SLC24A2: variants seen among roughly 807,000 people sequenced by gnomAD.
SLC24A2 encodes sodium/potassium/calcium exchanger 2.
A neutral mutation model predicts 62.0 loss-of-function variants in SLC24A2; 36 were observed. The ratio of observed to expected loss-of-function variants is 0.58; its 90% confidence interval spans 0.44 to 0.77. The LOEUF is 0.77. Among genes scored for constraint, SLC24A2 ranks in the 30% least tolerant of loss-of-function variants. SLC24A2 has a pLI of 0.00. For synonymous variants in SLC24A2, 358 were observed against 294.0 expected (o/e 1.22, Z -2.23); for missense variants, 846 against 817.9 (o/e 1.03, Z -0.42).
At chr9:19,843,828 A>G in the SLC24A2 span, among the ~76,000 whole-genome samples, 2 of 152,254 alleles carry the variant, frequency 1.3e-5, no homozygotes, top group Non-Finnish European at 1.5e-5. Context: ...CTCCAGCTGC[A>G]TTCATGTTGC....
chr9:19,582,093 C>T (rs1746765856), intron 5 of SLC24A2, among the ~76,000 whole-genome samples: 1 of 152,042 alleles, frequency 6.6e-6, no homozygotes, highest in African/African-American at 2.4e-5. Flanking sequence ...AGCTGAGTGT[C>T]CTCAGAGGAG....
intron 2 of SLC24A2, among the ~76,000 whole-genome samples, chr9:19,684,842 C>G (rs546554462): frequency 6.6e-6 from 1 of 152,080 alleles, no homozygotes; most frequent in Admixed American, 6.6e-5. Flanking sequence ...ACTAATATTC[C>G]TAGCCAGAGC....
At chr9:19,921,339 T>C in the SLC24A2 span, among the ~76,000 whole-genome samples, 10 of 151,704 alleles carry the variant, frequency 6.6e-5, no homozygotes, top group Non-Finnish European at 1.0e-4. Flanking sequence ...CTGGCTAGCA[T>C]GGTAAAACCC....
At chr9:19,718,284 C>CT (rs71335446) in intron 2 of SLC24A2, among the ~76,000 whole-genome samples, 42,451 of 55,638 alleles carry the variant, frequency 0.76, 19,597 homozygotes, top group East Asian at 0.86. Context: ...TGATTTAACA[C>CT]TTTTTTTTTT....
chr9:20,286,922 A>G, the SLC24A2 span, among the ~76,000 whole-genome samples: 502 of 152,268 alleles, frequency 3.3e-3, 5 homozygotes, highest in Non-Finnish European at 4.9e-3. Context: ...ATTGCACTAG[A>G]ATGTTATGAT....
chr9:20,168,475 C>G, the SLC24A2 span, among the ~76,000 whole-genome samples: 1 of 151,676 alleles, frequency 6.6e-6, no homozygotes, highest in East Asian at 1.9e-4. Flanking sequence ...TAATTAATAT[C>G]TAGAATATAT....
intron 7 of SLC24A2, among the ~76,000 whole-genome samples, chr9:19,564,328 C>T (rs1283307482): frequency 6.6e-6 from 1 of 152,102 alleles, no homozygotes; most frequent in Non-Finnish European, 1.5e-5. Flanking sequence ...TTTATCAGCA[C>T]CATGAGGCTT....
At chr9:19,572,420 A>G (rs1474871435) in intron 7 of SLC24A2, among the ~76,000 whole-genome samples, 1 of 151,976 alleles carries the variant, frequency 6.6e-6, no homozygotes, top group Non-Finnish European at 1.5e-5. Flanking sequence ...GCCTGGTGGG[A>G]GGTGATTGAA....
chr9:20,263,869 C>G, the SLC24A2 span, among the ~76,000 whole-genome samples: 11 of 116,968 alleles, frequency 9.4e-5, no homozygotes, highest in Admixed American at 2.9e-4. Context: ...CCGCCCCCCC[C>G]CCCCCATTAA....
the SLC24A2 span, among the ~76,000 whole-genome samples, chr9:19,820,149 T>C: frequency 2.0e-5 from 3 of 147,760 alleles, no homozygotes; most frequent in Admixed American, 6.8e-5. Flanking sequence ...TTGGATGAGA[T>C]TGGAGACTAT....
chr9:20,142,227 C>A, the SLC24A2 span, among the ~76,000 whole-genome samples: 4 of 152,150 alleles, frequency 2.6e-5, no homozygotes, highest in Non-Finnish European at 2.9e-5. Context: ...AGAATACTTA[C>A]CTGCTCAATA....
chr9:20,088,208 G>A, the SLC24A2 span, among the ~76,000 whole-genome samples: 1 of 152,228 alleles, frequency 6.6e-6, no homozygotes, highest in Non-Finnish European at 1.5e-5. Context: ...GCGGTAGGCC[G>A]CACTTCCATG....
the SLC24A2 span, among the ~76,000 whole-genome samples, chr9:20,024,896 C>T: frequency 2.6e-5 from 4 of 152,088 alleles, no homozygotes; most frequent in African/African-American, 9.7e-5. Flanking sequence ...CTGAGAAACA[C>T]CTGAGGGGCA....
the SLC24A2 span, among the ~76,000 whole-genome samples, chr9:20,150,854 A>G: frequency 6.6e-6 from 1 of 152,004 alleles, no homozygotes; most frequent in Non-Finnish European, 1.5e-5. Context: ...AGAGAAAGAG[A>G]CAAAGAGAAG....
chr9:20,203,575 G>A, the SLC24A2 span, among the ~76,000 whole-genome samples: 6 of 152,196 alleles, frequency 3.9e-5, no homozygotes, highest in South Asian at 8.3e-4. Flanking sequence ...CAGTTGCAGC[G>A]GCTCACACCT....
the SLC24A2 span, among the ~76,000 whole-genome samples, chr9:19,938,828 T>G: frequency 1.2e-4 from 19 of 152,212 alleles, 1 homozygote; most frequent in Non-Finnish European, 1.5e-5. Flanking sequence ...TTTTAACATT[T>G]TGCTCCGCAC....
At chr9:19,583,998 C>A (rs939870349) in intron 5 of SLC24A2, among the ~76,000 whole-genome samples, 2 of 152,122 alleles carry the variant, frequency 1.3e-5, no homozygotes, top group African/African-American at 2.4e-5. Context: ...AGTGGAAACC[C>A]AACATTCTCA....
At chr9:20,105,729 G>A in the SLC24A2 span, among the ~76,000 whole-genome samples, 1 of 151,842 alleles carries the variant, frequency 6.6e-6, no homozygotes, top group African/African-American at 2.4e-5. Context: ...AGCACTAAAT[G>A]CCCACAAGAG....
At chr9:19,833,836 G>C in the SLC24A2 span, among the ~76,000 whole-genome samples, 6 of 152,304 alleles carry the variant, frequency 3.9e-5, 1 homozygote, top group South Asian at 1.2e-3. Flanking sequence ...AACTAGGGGC[G>C]GACTGACACC....
Sources: allele counts gnomAD v4.1 joint callset (sites outside exome capture counted in the v4.1 genomes callset), GRCh38; gene constraint gnomAD v4.1.1; transcripts MANE v1.5; gene names NCBI Gene and HGNC (gene_info 2026-07-23, HGNC 2026-07-21).